Variants in ERC2 observed in about 807,000 individuals in gnomAD.
The protein encoded by ERC2 is ERC protein 2.
Under a neutral mutation model 114.8 loss-of-function variants are expected in ERC2, and 42 were observed. The ratio of observed to expected loss-of-function variants is 0.37; its 90% CI spans 0.29 to 0.47. The LOEUF (loss-of-function observed/expected upper bound fraction) is 0.47, where lower values mean the gene tolerates loss of function less well. Ranked by LOEUF, ERC2 falls within the 20% of genes least tolerant of loss-of-function variation. ERC2 has a pLI of 0.99. For synonymous variants in ERC2, 454 were observed against 425.5 expected, an observed-to-expected ratio of 1.07 and a Z score of -0.82; for missense variants, 939 against 1,150.7, an observed-to-expected ratio of 0.82 and a Z score of 2.66.
intron 13 of ERC2, among the ~76,000 whole-genome samples, chr3:55,919,635 GAAGA>G: frequency 1.3e-5 from 2 of 152,230 alleles, no homozygotes; most frequent in Non-Finnish European, 2.9e-5. Context: ...AGCCAAAACA[GAAGA>G]AAATAAGTAA....
At chr3:55,690,537 A>G (rs1006461776) in intron 16 of ERC2, among the ~76,000 whole-genome samples, 3 of 152,028 alleles carry the variant, frequency 2.0e-5, no homozygotes, top group African/African-American at 4.8e-5. Flanking sequence ...AGTGCAGGCT[A>G]TGTCTGAAAA....
At chr3:56,089,507 A>C (rs1353549257) in intron 6 of ERC2, among the ~76,000 whole-genome samples, 1 of 152,156 alleles carries the variant, frequency 6.6e-6, no homozygotes, top group African/African-American at 2.4e-5. Flanking sequence ...ATTATATCTA[A>C]AATATTATTA....
At chr3:55,528,481 CCTACT>C (rs1214721536) in intron 17 of ERC2, among the ~76,000 whole-genome samples, 2 of 152,124 alleles carry the variant, frequency 1.3e-5, no homozygotes, top group African/African-American at 4.8e-5. Context: ...TCGCTGAATA[CCTACT>C]ATGTGCTGGG....
intron 3 of ERC2, among the ~76,000 whole-genome samples, chr3:56,182,131 C>T (rs1440989688): frequency 6.6e-6 from 1 of 152,230 alleles, no homozygotes; most frequent in Non-Finnish European, 1.5e-5. Context: ...AGGTCAACAG[C>T]TGACCCTCTA....
intron 14 of ERC2, among the ~76,000 whole-genome samples, chr3:55,866,012 A>T (rs1441446187): frequency 6.6e-6 from 1 of 152,142 alleles, no homozygotes; most frequent in East Asian, 1.9e-4. Context: ...TTTGTTTAAC[A>T]TTTTGAGGAA....
chr3:56,336,204 C>T (rs2057840110), intron 2 of ERC2, among the ~76,000 whole-genome samples: 1 of 152,040 alleles, frequency 6.6e-6, no homozygotes, highest in African/African-American at 2.4e-5. Context: ...GCTGTGTGGC[C>T]CCGGGCAAGT....
chr3:55,908,105 C>T (rs1191272640), intron 13 of ERC2, among the ~76,000 whole-genome samples: 1 of 152,128 alleles, frequency 6.6e-6, no homozygotes, highest in Non-Finnish European at 1.5e-5. Context: ...TGATGCTGGC[C>T]AGGAAGGGAA....
chr3:56,211,936 T>C (rs1213892583), intron 3 of ERC2, among the ~76,000 whole-genome samples: 4 of 152,182 alleles, frequency 2.6e-5, no homozygotes, highest in African/African-American at 9.7e-5. Flanking sequence ...TCTCTCACCT[T>C]ATACAAAAAT....
At chr3:56,242,007 A>G (rs2051354512) in intron 3 of ERC2, among the ~76,000 whole-genome samples, 1 of 152,210 alleles carries the variant, frequency 6.6e-6, no homozygotes, top group African/African-American at 2.4e-5. Context: ...TGCAGTATTT[A>G]TCATCTGGCC....
chr3:55,798,947 T>A (rs2070749504), intron 14 of ERC2, among the ~76,000 whole-genome samples: 1 of 152,178 alleles, frequency 6.6e-6, no homozygotes, highest in Non-Finnish European at 1.5e-5. Context: ...TATACATTTT[T>A]AAAAATAATG....
intron 2 of ERC2, among the ~76,000 whole-genome samples, chr3:56,320,372 A>C (rs1205664653): frequency 1.3e-5 from 2 of 152,282 alleles, no homozygotes; most frequent in African/African-American, 4.8e-5. Flanking sequence ...CTGCCATTCA[A>C]GAATGAGGAT....
chr3:56,019,820 T>C (rs779150286), intron 7 of ERC2, among the ~76,000 whole-genome samples: 24 of 152,304 alleles, frequency 1.6e-4, no homozygotes, highest in Non-Finnish European at 2.5e-4. Flanking sequence ...TTTCAAACCA[T>C]GTATTTCTTA....
chr3:55,568,001 T>C (rs916270058), intron 17 of ERC2, among the ~76,000 whole-genome samples: 52 of 152,322 alleles, frequency 3.4e-4, no homozygotes, highest in Non-Finnish European at 7.1e-4. Flanking sequence ...TTTCTTTCTC[T>C]GGACTAATTT....
At chr3:56,047,609 T>C (rs577841202) in intron 7 of ERC2, among the ~76,000 whole-genome samples, 11 of 152,332 alleles carry the variant, frequency 7.2e-5, no homozygotes, top group African/African-American at 2.6e-4. Flanking sequence ...AAATGGGGAA[T>C]ATTTGAAGTG....
intron 11 of ERC2, among the ~76,000 whole-genome samples, chr3:55,986,769 G>A (rs911240426): frequency 1.3e-5 from 2 of 150,860 alleles, no homozygotes; most frequent in Non-Finnish European, 2.9e-5. Flanking sequence ...CGTCTCATTG[G>A]TTAAAACAAT....
intron 7 of ERC2, among the ~76,000 whole-genome samples, chr3:56,073,520 G>A (rs1371538346): frequency 1.3e-5 from 2 of 152,192 alleles, no homozygotes; most frequent in Non-Finnish European, 2.9e-5. Context: ...CTCTGCCTTA[G>A]ACCCATGGCC....
At chr3:55,731,393 A>T (rs771131034) in intron 15 of ERC2, among the ~76,000 whole-genome samples, 3 of 152,228 alleles carry the variant, frequency 2.0e-5, no homozygotes, top group African/African-American at 7.2e-5. Context: ...ATTAATAGTA[A>T]TAGTAGTTGC....
intron 3 of ERC2, among the ~76,000 whole-genome samples, chr3:56,202,064 A>G (rs2048439784): frequency 6.6e-6 from 1 of 152,208 alleles, no homozygotes; most frequent in Non-Finnish European, 1.5e-5. Context: ...GTATTCCACC[A>G]TTAGGCAGAA....
At chr3:55,614,405 A>C (rs959576564) in intron 17 of ERC2, among the ~76,000 whole-genome samples, 8 of 152,162 alleles carry the variant, frequency 5.3e-5, no homozygotes, top group Admixed American at 3.3e-4. Flanking sequence ...ACAGGAGAGA[A>C]AGACATCCCA....
Sources: allele counts gnomAD v4.1 joint callset (sites outside exome capture counted in the v4.1 genomes callset), GRCh38; gene constraint gnomAD v4.1.1; transcripts MANE v1.5; gene names NCBI Gene and HGNC (gene_info 2026-07-23, HGNC 2026-07-21).